PPP2R3A: variants seen among roughly 807,000 people sequenced by gnomAD.
The protein encoded by PPP2R3A is protein phosphatase 2 regulatory subunit B''alpha, also known as serine/threonine-protein phosphatase 2A regulatory subunit B'' subunit alpha.
A neutral mutation model predicts 106.9 loss-of-function variants in PPP2R3A; 80 were observed. The observed-to-expected ratio is 0.75, with a 90% CI of 0.62 to 0.90. The LOEUF (loss-of-function observed/expected upper bound fraction) is 0.90, where lower values mean the gene tolerates loss of function less well. Among genes scored for constraint, PPP2R3A ranks in the 40% least tolerant of loss-of-function variants. PPP2R3A has a pLI of 0.00. For synonymous variants in PPP2R3A, 483 were observed against 468.3 expected (o/e 1.03, Z -0.41); for missense variants, 1,386 against 1,350.4 (o/e 1.03, Z -0.41).
At chr3:136,036,837 T>G (rs1282519265) in intron 3 of PPP2R3A, among the ~76,000 whole-genome samples, 1 of 152,234 alleles carries the variant, frequency 6.6e-6, no homozygotes, top group African/African-American at 2.4e-5. Context: ...AATTCTCTTT[T>G]AATTTAGCTT....
At chr3:136,040,708 T>C in intron 3 of PPP2R3A, 151 bp from the exon 4 acceptor site, 2 of 478,374 alleles carry the variant, frequency 4.2e-6, no homozygotes, top group Non-Finnish European at 7.4e-6. Context: ...TCTACCCTAG[T>C]TGATATATTT....
intron 5 of PPP2R3A, among the ~76,000 whole-genome samples, chr3:136,056,481 T>TA (rs58363811): frequency 3.6e-4 from 54 of 149,348 alleles, no homozygotes; most frequent in East Asian, 2.6e-3. Context: ...AAAACTATTC[T>TA]AAAAAAAAAA....
Position 136,063,310 on chromosome 3 carries a change from A to G in PPP2R3A, c.2470-7168A>G, listed in dbSNP as rs554104371. ...AGACTTCAATGTTAGACCTAAAACC[A>G]TAAAAACCTTAGAAGAAAACCTAGG... On this transcript the variant is annotated intron_variant, in intron 5 of 13. Coordinates refer to ENST00000264977, the MANE Select transcript of PPP2R3A (RefSeq NM_002718.5). 2.6e-5 allele frequency among the ~76,000 whole-genome samples: 4 copies of G among 152,378 alleles called. No individual in the cohort carries two copies. In the East Asian group the frequency reaches 7.7e-4, roughly 29 times the overall value.
At chr3:136,005,027 T>C (rs917325415) in intron 2 of PPP2R3A, among the ~76,000 whole-genome samples, 6 of 152,166 alleles carry the variant, frequency 3.9e-5, no homozygotes, top group African/African-American at 1.4e-4. Flanking sequence ...TTTCTTTCCC[T>C]GGTACATGTT....
chr3:136,033,175 C>T (rs1427184200), intron 3 of PPP2R3A, among the ~76,000 whole-genome samples: 1 of 152,196 alleles, frequency 6.6e-6, no homozygotes, highest in Non-Finnish European at 1.5e-5. Context: ...TGGTGTATCA[C>T]ATCTATTGAC....
intron 1 of PPP2R3A, among the ~76,000 whole-genome samples, chr3:135,976,116 A>T (rs1473484201): frequency 6.6e-6 from 1 of 152,258 alleles, no homozygotes; most frequent in African/African-American, 2.4e-5. Context: ...TTCTTCTTTC[A>T]TCTTTAGTAA....
intron 5 of PPP2R3A, among the ~76,000 whole-genome samples, chr3:136,067,545 C>G (rs1289038824): frequency 1.3e-5 from 2 of 152,130 alleles, no homozygotes; most frequent in African/African-American, 4.8e-5. Flanking sequence ...ACCAAGGTGA[C>G]TAGAATTCTC....
rs1226547964 is a variant in PPP2R3A, at chr3:136,146,994, TTAAC to T, written c.*1831_*1834del. Reference sequence around the variant, plus strand: ...AATTTTACAATATACATTTTTTTTTTTAACTATTTGGCTTTACCTTTTTACCTTG... The same window carrying T: ...AATTTTACAATATACATTTTTTTTTTTATTTGGCTTTACCTTTTTACCTTG... On this transcript the variant is annotated 3_prime_UTR_variant, in exon 14 of 14. Transcript: ENST00000264977. 6 of 152,222 alleles carry T rather than the reference TTAAC, an allele frequency of 3.9e-5. No homozygotes were observed. The highest frequency in any genetic ancestry group is 2.6e-4 in the Admixed American group (4 of 15,280). The allele number at this position is 152,222 out of a possible 1,614,324, so 9.4% of individuals were successfully genotyped here.
chr3:136,144,976 C>T (rs1576346061), intron 13 of PPP2R3A, 67 bp from the exon 14 acceptor site: 3 of 1,543,690 alleles, frequency 1.9e-6, no homozygotes, highest in Non-Finnish European at 2.6e-6. Flanking sequence ...CTCGGATTTG[C>T]CATATTGATT....
At chr3:136,062,974 G>A (rs922565034) in intron 5 of PPP2R3A, among the ~76,000 whole-genome samples, 2 of 152,120 alleles carry the variant, frequency 1.3e-5, no homozygotes, top group Non-Finnish European at 2.9e-5. Context: ...TCAATCCTAA[G>A]CCAAAAGAAC....
At chr3:136,102,803 C>T (rs1050969424) in intron 11 of PPP2R3A, among the ~76,000 whole-genome samples, 1 of 152,022 alleles carries the variant, frequency 6.6e-6, no homozygotes, top group Admixed American at 6.6e-5. Flanking sequence ...CCAGCCTAGG[C>T]AACACAGCGA....
chr3:136,009,581 T>C (rs1360806523), intron 2 of PPP2R3A, among the ~76,000 whole-genome samples: 1 of 152,162 alleles, frequency 6.6e-6, no homozygotes, highest in Non-Finnish European at 1.5e-5. Flanking sequence ...TCAGTGGTTT[T>C]AAGAGTATGG....
In PPP2R3A at chr3:136,028,822, T is replaced by G. The variant is rs116418291; in HGVS notation, c.2262+1724T>G. Among the ~76,000 whole-genome samples the G allele has an allele frequency of 5.0e-3, 763 of 151,990 alleles. 10 individuals carry two copies. Among genetic ancestry groups the G allele is most frequent in the African/African-American group, 9.9e-3 (410 of 41,460 alleles). ...GTAACTACATAAATGCCAACAGGGT[T>G]GTTGTTGTTGTTTTTTGTTGTTGTT... On this transcript the variant is annotated intron_variant, in intron 3 of 13. Coordinates refer to ENST00000264977, the MANE Select transcript of PPP2R3A (RefSeq NM_002718.5).
chr3:136,119,743 C>T lies in PPP2R3A; in HGVS notation c.3329+13421C>T, dbSNP rs1434560893. On this transcript the variant is annotated intron_variant, in intron 13 of 13. Transcript: ENST00000264977. The stretch of plus-strand genomic sequence containing the variant: ...GGAGAGGGTGTGGAGAATAGGAATG[C>T]TTTTACACTGTTTGTGGGAGTATAA... Among the ~76,000 whole-genome samples, 4 of 152,264 alleles carry T rather than the reference C, an allele frequency of 2.6e-5. No homozygotes were observed. In the East Asian group the frequency reaches 7.7e-4, roughly 29 times the overall value.
At chr3:135,978,927 A>T (rs1259076948) in intron 1 of PPP2R3A, among the ~76,000 whole-genome samples, 2 of 151,912 alleles carry the variant, frequency 1.3e-5, no homozygotes, top group African/African-American at 4.9e-5. Flanking sequence ...AAATATTATC[A>T]GTATTAAAGA....
chr3:136,026,109 A>G (rs1158549801), intron 2 of PPP2R3A, among the ~76,000 whole-genome samples: 1 of 152,152 alleles, frequency 6.6e-6, no homozygotes, highest in African/African-American at 2.4e-5. Flanking sequence ...AGAAGAATAT[A>G]AACTGTAAAT....
intron 10 of PPP2R3A, among the ~76,000 whole-genome samples, chr3:136,096,283 C>T (rs531496667): frequency 1.3e-5 from 2 of 152,152 alleles, no homozygotes; most frequent in Admixed American, 6.5e-5. Context: ...CACCACTTTG[C>T]AGAAATGGGG....
chr3:136,030,772 A>ATC (rs1934846723), intron 3 of PPP2R3A, among the ~76,000 whole-genome samples: 1 of 121,586 alleles, frequency 8.2e-6, no homozygotes, highest in Non-Finnish European at 1.6e-5. Flanking sequence ...ATATATATAT[A>ATC]TATATATATG....
Position 136,003,280 on chromosome 3 carries a change from C to T in PPP2R3A, c.1782C>T (p.Ile594=). The T allele has an allele frequency of 3.1e-6, 5 of 1,613,860 alleles. No homozygotes were observed. The highest frequency in any genetic ancestry group is 4.2e-6 in the Non-Finnish European group (5 of 1,179,910). The part of the protein sequence containing the change: ...EEEDRALLLR[I]LESIEDFAQE... Reference sequence around the variant, plus strand: ...AGGATCGAGCCCTCTTACTGCGAATCCTGGAAAGCATTGAAGACTTTGCTC... The same window carrying T: ...AGGATCGAGCCCTCTTACTGCGAATTCTGGAAAGCATTGAAGACTTTGCTC... Residue 594 remains isoleucine (I), a synonymous_variant, in exon 2 of 14, where the codon ATC becomes ATT. Coordinates refer to ENST00000264977, the MANE Select transcript of PPP2R3A (RefSeq NM_002718.5).
Sources: allele counts gnomAD v4.1 joint callset (sites outside exome capture counted in the v4.1 genomes callset), GRCh38; gene constraint gnomAD v4.1.1; transcripts MANE v1.5; gene names NCBI Gene and HGNC (gene_info 2026-07-23, HGNC 2026-07-21).